ALDH9A1: variants seen among roughly 807,000 people sequenced by gnomAD.
The protein encoded by ALDH9A1 is aldehyde dehydrogenase 9 family member A1, also known as 4-trimethylaminobutyraldehyde dehydrogenase.
Under a neutral mutation model 56.6 loss-of-function variants are expected in ALDH9A1, and 42 were observed. The ratio of observed to expected loss-of-function variants is 0.74; its 90% CI spans 0.58 to 0.96. The LOEUF is 0.96. Ranked by LOEUF, ALDH9A1 falls within the 40% of genes least tolerant of loss-of-function variation. ALDH9A1 has a pLI of 0.00. For missense variants in ALDH9A1, 661 were observed against 651.5 expected, an observed-to-expected ratio of 1.01 and a Z score of -0.16; for synonymous variants, 242 against 236.0, an observed-to-expected ratio of 1.03 and a Z score of -0.23.
At chr1:165,695,094 CAA>C (rs1650028637) in intron 2 of ALDH9A1, among the ~76,000 whole-genome samples, 156 bp downstream of exon 2, 2 of 152,192 alleles carry the variant, frequency 1.3e-5, no homozygotes, top group East Asian at 3.9e-4. Flanking sequence ...AAGTATTGAA[CAA>C]AAACTTGTTT....
At chr1:165,694,592 G>A (rs1650005638) in intron 2 of ALDH9A1, among the ~76,000 whole-genome samples, 2 of 151,808 alleles carry the variant, frequency 1.3e-5, no homozygotes, top group South Asian at 4.2e-4. Flanking sequence ...AAACAAATCT[G>A]AAAAAGAAAG....
chr1:165,694,795 A>C (rs1010718409), intron 2 of ALDH9A1, among the ~76,000 whole-genome samples: 1 of 152,060 alleles, frequency 6.6e-6, no homozygotes, highest in Non-Finnish European at 1.5e-5. Flanking sequence ...ATCTCTACGA[A>C]AAATACAAAA....
chr1:165,670,059 G>C lies in ALDH9A1; in HGVS notation c.931-609C>G, dbSNP rs570325967. Among the ~76,000 whole-genome samples the C allele has an allele frequency of 5.3e-5, 8 of 152,288 alleles. No individual in the cohort carries two copies. The South Asian group carries it at 1.5e-3, about 28-fold the overall frequency. ...TAAATGGTGCTAGAACAAATCATCA[G>C]TAATGTGGAAAACATAAAATAAGAT... is the stretch of plus-strand genomic sequence containing the variant. On this transcript the variant is annotated intron_variant, in intron 6 of 10. Coordinates refer to ENST00000354775, the MANE Select transcript of ALDH9A1 (RefSeq NM_000696.4).
At chr1:165,683,202 A>G in intron 2 of ALDH9A1, 92 bp from the exon 3 acceptor site, 1 of 1,342,828 alleles carries the variant, frequency 7.4e-7, no homozygotes, top group Non-Finnish European at 1.0e-6. Context: ...TCAATTTTTA[A>G]AACTAAAAAT....
chr1:165,679,362 A>G, intron 6 of ALDH9A1, 80 bp downstream of exon 6: 1 of 1,511,142 alleles, frequency 6.6e-7, no homozygotes. Context: ...AAAGTATTGT[A>G]AAACAAAAAG....
rs551102391 is a variant in ALDH9A1, at chr1:165,671,374, T to C, written c.931-1924A>G. On this transcript the variant is annotated intron_variant, in intron 6 of 10. Transcript: ENST00000354775. ...GGGCTGAAGTTGACATCTGACGACA[T>C]GAAGGAGCAGATTTAAAAACTGGCC... 5.7e-4 allele frequency: 255 copies of C among 448,534 alleles called. 3 individuals are homozygous for C. The highest frequency in any genetic ancestry group is 2.6e-3 in the South Asian group (160 of 61,870). The allele number at this position is 448,534 out of a possible 1,614,324, so 27.8% of individuals were successfully genotyped here.
intron 9 of ALDH9A1, among the ~76,000 whole-genome samples, chr1:165,666,804 ATTT>A (rs1649023053): frequency 6.6e-6 from 1 of 152,228 alleles, no homozygotes; most frequent in Admixed American, 6.5e-5. Context: ...CTCCCAAATC[ATTT>A]TTACTTGTAA....
chr1:165,690,241 TAC>T (rs1437551530), intron 2 of ALDH9A1, among the ~76,000 whole-genome samples: 1 of 150,918 alleles, frequency 6.6e-6, no homozygotes, highest in South Asian at 2.1e-4. Flanking sequence ...TATACACATA[TAC>T]ACACACACTC....
At chr1:165,682,956 T>C (rs762074916) in intron 3 of ALDH9A1, 25 bp downstream of exon 3, 1 of 1,609,938 alleles carries the variant, frequency 6.2e-7, no homozygotes, top group African/African-American at 1.3e-5. Flanking sequence ...TATCAGCTGG[T>C]CACAGACACC....
chr1:165,693,233 A>C (rs1649952594), intron 2 of ALDH9A1, among the ~76,000 whole-genome samples: 2 of 152,242 alleles, frequency 1.3e-5, no homozygotes, highest in Admixed American at 1.3e-4. Context: ...AGTAAACTAA[A>C]GAGCTTCTGC....
chr1:165,663,006 T>A lies in ALDH9A1; in HGVS notation c.*44A>T. ...CCTCTGTAAACAGGGCCAATTCACATCATTCCACAGCGTGGCCATGTCAAT... is the reference window on the plus strand; with the variant it reads ...CCTCTGTAAACAGGGCCAATTCACAACATTCCACAGCGTGGCCATGTCAAT... On this transcript the variant is annotated 3_prime_UTR_variant, in exon 11 of 11. Coordinates refer to ENST00000354775, the MANE Select transcript of ALDH9A1 (RefSeq NM_000696.4). 1 of 1,544,830 alleles carries A rather than the reference T, an allele frequency of 6.5e-7. No individual in the cohort carries two copies. The highest frequency in any genetic ancestry group is 1.4e-5 in the African/African-American group (1 of 73,490).
chr1:165,671,333 G>T, intron 6 of ALDH9A1: 1 of 396,872 alleles, frequency 2.5e-6, no homozygotes, highest in South Asian at 1.9e-5. Context: ...CCACTGAAGT[G>T]GGGTTGCTGA....
rs1156291792 is a variant in ALDH9A1 at position 165,698,523 on chromosome 1, C to A, written c.36G>T (p.Pro12=). The change falls in exon 1 of 11, where the codon CCG becomes CCT. Residue 12 remains proline, a synonymous_variant. Coordinates refer to ENST00000354775, the MANE Select transcript of ALDH9A1 (RefSeq NM_000696.4). ...GAGAGGGCCGAAGACTGCGAAGAAG[C>A]GGGGAGAGCGCGGCCAGGCCTGCTC... ...FLRAGLAALS[P]LLRSLRPSPV... The A allele has an allele frequency of 1.2e-6, 2 of 1,610,046 alleles. No individual in the cohort carries two copies. The highest frequency in any genetic ancestry group is 8.5e-7 in the Non-Finnish European group (1 of 1,178,660).
intron 2 of ALDH9A1, among the ~76,000 whole-genome samples, chr1:165,692,431 C>G (rs1175875168): frequency 2.0e-5 from 3 of 152,068 alleles, no homozygotes; most frequent in Non-Finnish European, 4.4e-5. Context: ...CAGACAAACA[C>G]AGAGCCAAAT....
At chr1:165,666,922 A>C (rs1184003348) in intron 9 of ALDH9A1, among the ~76,000 whole-genome samples, 1 of 152,216 alleles carries the variant, frequency 6.6e-6, no homozygotes, top group Non-Finnish European at 1.5e-5. Flanking sequence ...CATGAGTTAT[A>C]ATGCATTCCA....
intron 5 of ALDH9A1, among the ~76,000 whole-genome samples, chr1:165,680,070 T>C (rs17417191): frequency 0.39 from 59,444 of 151,728 alleles, 11,827 homozygotes; most frequent in Middle Eastern, 0.5. Context: ...CCAGAAATTC[T>C]TTTGTGTTAT....
chr1:165,682,009 A>AG, intron 4 of ALDH9A1, 98 bp downstream of exon 4: 1 of 1,488,674 alleles, frequency 6.7e-7, no homozygotes, highest in Non-Finnish European at 9.2e-7. Context: ...TCCGATTTAA[A>AG]GTGTGTGTTT....
intron 2 of ALDH9A1, among the ~76,000 whole-genome samples, chr1:165,690,494 C>T (rs181162798): frequency 4.9e-4 from 75 of 152,292 alleles, no homozygotes; most frequent in Non-Finnish European, 7.9e-4. Flanking sequence ...CATCTCCCAG[C>T]GTGATCAATG....
At chr1:165,695,777 TG>T (rs1650064024) in intron 1 of ALDH9A1, among the ~76,000 whole-genome samples, 1 of 151,980 alleles carries the variant, frequency 6.6e-6, no homozygotes, top group Non-Finnish European at 1.5e-5. Context: ...ATTACAGGCG[TG>T]GGCTACCGTA....
Sources: allele counts gnomAD v4.1 joint callset (sites outside exome capture counted in the v4.1 genomes callset), GRCh38; gene constraint gnomAD v4.1.1; transcripts MANE v1.5; gene names NCBI Gene and HGNC (gene_info 2026-07-23, HGNC 2026-07-21).